The following FSD1 variants were observed in gnomAD, a reference collection of about 807,000 sequenced individuals.
The protein encoded by FSD1 is fibronectin type III and SPRY domain-containing protein 1.
FSD1 carries 23 observed loss-of-function variants against 58.2 expected under a neutral mutation model. The observed-to-expected ratio is 0.40, with a 90% CI of 0.28 to 0.56. FSD1 has a LOEUF of 0.56. FSD1 is among the 20% of genes least tolerant of loss of function. The pLI, the probability that FSD1 is intolerant of heterozygous loss-of-function variation, is 0.54. For missense variants in FSD1, 563 were observed against 670.8 expected (o/e 0.84, Z 1.78); for synonymous variants, 265 against 263.4 (o/e 1.01, Z -0.06).
rs528496417 is a variant in FSD1, at chr19:4,310,770, C to T, written c.490+174C>T. On this transcript the variant is annotated intron_variant, in intron 6 of 12. Coordinates refer to ENST00000221856, the MANE Select transcript of FSD1 (RefSeq NM_024333.3). ...TGGGGGGTGGAGTTCTCATGGAGCC[C>T]CGCCCCTGGGTGGAGCCATGGGAAG... 5.6e-5 allele frequency: 38 copies of T among 672,936 alleles called. 1 individual carries two copies. Among genetic ancestry groups the T allele is most frequent in the South Asian group, 4.8e-4 (25 of 52,342 alleles). 41.7% of individuals were successfully genotyped at this position (672,936 alleles called of 1,614,324 possible). A position where few individuals can be genotyped will look rare whatever the true frequency, so the allele number is the denominator to read the frequency against.
rs1971617481 is a variant in FSD1, at chr19:4,306,060, T to A, written c.111+19T>A. On this transcript the variant is annotated intron_variant, in intron 2 of 12. Transcript: ENST00000221856. ...CGTGGAGGTGAAGGCGGTGGGGCAGTCCTGGGGAGGTAAGGGGAGGGGAGG... is the reference window on the plus strand; with the variant it reads ...CGTGGAGGTGAAGGCGGTGGGGCAGACCTGGGGAGGTAAGGGGAGGGGAGG... 1.2e-6 allele frequency: 2 copies of A among 1,609,620 alleles called. No individual in the cohort carries two copies. Among genetic ancestry groups the A allele is most frequent in the Admixed American group, 3.3e-5 (2 of 59,962 alleles).
chr19:4,310,662 G>A (rs1971679354), intron 6 of FSD1, 66 bp downstream of exon 6: 4 of 1,557,610 alleles, frequency 2.6e-6, no homozygotes, highest in Non-Finnish European at 3.5e-6. Flanking sequence ...AGGAGGCCCT[G>A]AAACAGGACC....
At chr19:4,307,190 G>A (rs1443583641) in intron 3 of FSD1, among the ~76,000 whole-genome samples, 2 of 152,126 alleles carry the variant, frequency 1.3e-5, no homozygotes, top group East Asian at 3.9e-4. Flanking sequence ...AAGTAGCTGG[G>A]ACCACAGGAA....
chr19:4,310,481 C>T lies in FSD1; in HGVS notation c.375C>T (p.Thr125=), dbSNP rs1971676324. The T allele has an allele frequency of 6.2e-7, 1 of 1,612,322 alleles. No individual in the cohort carries two copies. Among genetic ancestry groups the T allele is most frequent in the Admixed American group, 1.7e-5 (1 of 59,940 alleles). ...QAAKQIKDGV[T]MAPAFRLSLK... is the part of the protein sequence containing the mutation. ...TGCCACCTCCTTCCTGCAGAGTGAC[C>T]ATGGCCCCTGCCTTCCGGCTATCAT... is the stretch of plus-strand genomic sequence containing the variant. Residue 125 remains threonine (T), a synonymous_variant, in exon 6 of 13, where the codon ACC becomes ACT. Transcript: ENST00000221856.
chr19:4,323,770 A>T lies in FSD1; in HGVS notation c.*127A>T. The T allele has an allele frequency of 1.5e-6, 1 of 684,200 alleles. No homozygotes were observed. The highest frequency in any genetic ancestry group is 2.5e-6 in the Non-Finnish European group (1 of 407,174). The allele number at this position is 684,200 out of a possible 1,614,324, so 42.4% of individuals were successfully genotyped here. On this transcript the variant is annotated 3_prime_UTR_variant, in exon 13 of 13. Coordinates refer to ENST00000221856, the MANE Select transcript of FSD1 (RefSeq NM_024333.3). This position sits in a 1 kb window ranked among gnomAD's most constrained non-coding sequence, Gnocchi z 7.7. Reference sequence around the variant, plus strand: ...CTTAACTCCAGATGGGGGGGTCACCAAGAGGGAGTGGGCACCCTGGCGGGC... The same window carrying T: ...CTTAACTCCAGATGGGGGGGTCACCTAGAGGGAGTGGGCACCCTGGCGGGC...
chr19:4,306,982 C>G (rs1432375606), intron 3 of FSD1, among the ~76,000 whole-genome samples: 1 of 152,230 alleles, frequency 6.6e-6, no homozygotes, highest in African/African-American at 2.4e-5. Flanking sequence ...GGGCAACTTC[C>G]TGACATCCCA....
At chr19:4,315,268 G>T (rs1162928998) in intron 7 of FSD1, among the ~76,000 whole-genome samples, 2 of 151,334 alleles carry the variant, frequency 1.3e-5, no homozygotes, top group African/African-American at 4.9e-5. Context: ...TTGGACTACA[G>T]GCACTATAGG....
At chr19:4,305,255 C>A (rs887396349) in intron 1 of FSD1, among the ~76,000 whole-genome samples, 1 of 150,018 alleles carries the variant, frequency 6.7e-6, no homozygotes, top group Non-Finnish European at 1.5e-5. Context: ...TTACCTGGCG[C>A]CCCCGCATCC....
chr19:4,315,120 CCTTTTTTCTTTTTT>C (rs376900992), intron 7 of FSD1, among the ~76,000 whole-genome samples: 1,615 of 151,816 alleles, frequency 0.011, 28 homozygotes, highest in African/African-American at 0.036. Context: ...TCTTTCTTTC[CCTTTTTTCTTTTTT>C]CTTTTTTTTG....
chr19:4,315,045 C>T (rs149981952), intron 7 of FSD1, among the ~76,000 whole-genome samples: 3 of 152,266 alleles, frequency 2.0e-5, no homozygotes, highest in East Asian at 1.9e-4. Flanking sequence ...CCTATGTGGT[C>T]GTTTGCAATC....
intron 10 of FSD1, among the ~76,000 whole-genome samples, chr19:4,321,509 G>A (rs1971817979): frequency 6.6e-6 from 1 of 151,248 alleles, no homozygotes; most frequent in South Asian, 2.1e-4. Flanking sequence ...AGCTGGGACT[G>A]AGGAGTATCT....
At chr19:4,310,861 C>G (rs1417655065) in intron 6 of FSD1, 1 of 397,590 alleles carries the variant, frequency 2.5e-6, no homozygotes, top group African/African-American at 2.0e-5. Flanking sequence ...TGTGAGAATA[C>G]CATGTCCTGT....
At chr19:4,307,850 T>G in intron 3 of FSD1, 32 bp from the exon 4 acceptor site, 1 of 1,570,898 alleles carries the variant, frequency 6.4e-7, no homozygotes, top group Non-Finnish European at 8.7e-7. Context: ...GTGGGGTGAG[T>G]TGTCCCCTCC....
At chr19:4,304,800 C>T in intron 1 of FSD1, 39 bp downstream of exon 1, 1 of 149,240 alleles carries the variant, frequency 6.7e-6, no homozygotes, top group Non-Finnish European at 1.2e-5. Flanking sequence ...GCAGGGGCGT[C>T]GGGGGCGGGG....
Position 4,323,502 on chromosome 19 carries a change from G to GGGGGGC in FSD1, c.1381-31_1381-30insGGGGGC. Reference sequence around the variant, plus strand: ...GCTGGGCGCTGGGGTTTGAAGCTGAGCCCCTCCCCCCTCCCCCCGCTGTCC... The same window carrying GGGGGGC: ...GCTGGGCGCTGGGGTTTGAAGCTGAGGGGGGCCCCCTCCCCCCTCCCCCCGCTGTCC... On this transcript the variant is annotated intron_variant, in intron 12 of 12. Transcript: ENST00000221856. This position sits in a 1 kb window ranked among gnomAD's most constrained non-coding sequence, Gnocchi z 7.7. 1 of 1,573,908 alleles carries GGGGGGC rather than the reference G, an allele frequency of 6.4e-7. No homozygotes were observed. The highest frequency in any genetic ancestry group is 8.7e-7 in the Non-Finnish European group (1 of 1,145,248).
intron 7 of FSD1, among the ~76,000 whole-genome samples, chr19:4,316,052 C>T (rs1282793368): frequency 6.6e-6 from 1 of 152,098 alleles, no homozygotes; most frequent in Non-Finnish European, 1.5e-5. Flanking sequence ...CAGGCGTGAG[C>T]CACCGCACTT....
chr19:4,309,133 A>C (rs932216834), intron 4 of FSD1, among the ~76,000 whole-genome samples: 7 of 152,130 alleles, frequency 4.6e-5, no homozygotes, highest in Non-Finnish European at 1.0e-4. Context: ...CTGTGGTCCC[A>C]GCTACTCAAG....
chr19:4,318,283 G>T, intron 8 of FSD1, 63 bp from the exon 9 acceptor site: 1 of 1,608,992 alleles, frequency 6.2e-7, no homozygotes, highest in Non-Finnish European at 8.5e-7. Context: ...CTGTCTCTCT[G>T]TCTCTCTCTG....
intron 6 of FSD1, chr19:4,310,839 CA>C: frequency 1.5e-5 from 7 of 460,830 alleles, no homozygotes; most frequent in South Asian, 1.4e-4. Flanking sequence ...ACTCTGTACC[CA>C]GGGGTGGAAC....
Sources: gnomAD v4.1 joint callset for allele counts (sites outside exome capture counted in the v4.1 genomes callset) on GRCh38, gnomAD v4.1.1 for gene constraint, Gnocchi (gnomAD v3.1) non-coding constraint, MANE v1.5 for transcripts, NCBI Gene and HGNC (gene_info 2026-07-23, HGNC 2026-07-21) for gene names.